The following TRIML1 variants were observed in gnomAD, a reference collection of about 807,000 sequenced individuals.
The protein encoded by TRIML1 is probable E3 ubiquitin-protein ligase TRIML1.
TRIML1 carries 34 observed loss-of-function variants against 32.3 expected under a neutral mutation model. The ratio of observed to expected loss-of-function variants is 1.05; its 90% confidence interval spans 0.80 to 1.40. The LOEUF (loss-of-function observed/expected upper bound fraction) is 1.40. Among genes scored for constraint, TRIML1 ranks in the 40% most tolerant of loss-of-function variants. The pLI is 0.00. For synonymous variants in TRIML1, 244 were observed against 226.6 expected, an observed-to-expected ratio of 1.08 and a Z score of -0.69; for missense variants, 595 against 574.9, an observed-to-expected ratio of 1.03 and a Z score of -0.36.
At chr4:188,143,578 G>A (rs1046936120) in intron 3 of TRIML1, 2 of 502,638 alleles carry the variant, frequency 4.0e-6, no homozygotes, top group Non-Finnish European at 7.2e-6. Flanking sequence ...TTGCAGAACA[G>A]GTTCCCTGGA....
chr4:188,150,711 T>C (rs997681424), downstream of TRIML1, among the ~76,000 whole-genome samples: 14 of 151,600 alleles, frequency 9.2e-5, no homozygotes, highest in Non-Finnish European at 2.1e-4. Flanking sequence ...TTTGGCAAAA[T>C]CATCCCCAGT....
chr4:188,139,877 G>A lies in TRIML1; in HGVS notation c.319G>A (p.Asp107Asn), dbSNP rs142394531. ...RMPTTAKALS[D>N]DEQGGSAFVA... ...GCCCACCACTGCCAAGGCGCTCTCC[G>A]ATGACGAGCAGGGTGGAAGCGCCTT... The change falls in exon 1 of 6, where the codon GAT becomes AAT. Residue 107 changes from aspartate (D) to asparagine (N), a missense_variant. Asp to Asn is a conservative substitution (Grantham distance 23). Transcript: ENST00000332517. The A allele has an allele frequency of 1.0e-4, 167 of 1,613,724 alleles. No individual in the cohort carries two copies. Among genetic ancestry groups the A allele is most frequent in the Admixed American group, 1.7e-4 (10 of 59,996 alleles).
At position 188,139,903 on chromosome 4, in the gene TRIML1, C is replaced by T. The variant is rs377054198; in HGVS notation, c.345C>T (p.Phe115=). The T allele has an allele frequency of 1.1e-5, 18 of 1,613,844 alleles. No homozygotes were observed. Among genetic ancestry groups the T allele is most frequent in the Admixed American group, 6.7e-5 (4 of 60,022 alleles). Residue 115 remains phenylalanine (F), a synonymous_variant, in exon 1 of 6, where the codon TTC becomes TTT. Coordinates refer to ENST00000332517, the MANE Select transcript of TRIML1 (RefSeq NM_178556.5). ...ATGACGAGCAGGGTGGAAGCGCCTTCGTAGCCCAGAGCCATGGTGCAAACA... is the reference window on the plus strand; with the variant it reads ...ATGACGAGCAGGGTGGAAGCGCCTTTGTAGCCCAGAGCCATGGTGCAAACA... The part of the protein sequence containing the change: ...LSDDEQGGSA[F]VAQSHGANRV...
At chr4:188,150,099 C>T (rs113525746), downstream of TRIML1, among the ~76,000 whole-genome samples, 18,893 of 149,606 alleles carry the variant, frequency 0.13, 1,545 homozygotes, top group Middle Eastern at 0.26. Flanking sequence ...CCACCGCGCC[C>T]GGCCTTATTT....
Position 188,147,319 on chromosome 4 carries a change from G to A in TRIML1, c.1354G>A (p.Glu452Lys). The change falls in exon 6 of 6, where the codon GAG becomes AAG. Residue 452 changes from glutamate to lysine, a missense_variant. Transcript: ENST00000332517. ...TATCTTTTCCCCCTGCCTCCCAAAT[G>A]AGGGGACAAACACAGACCCTCTCAC... is the stretch of plus-strand genomic sequence containing the variant. ...RPIFSPCLPN[E>K]GTNTDPLTIC... is the part of the protein sequence containing the mutation. The A allele has an allele frequency of 6.5e-7, 1 of 1,534,878 alleles. No individual in the cohort carries two copies. Among genetic ancestry groups the A allele is most frequent in the Non-Finnish European group, 8.7e-7 (1 of 1,143,192 alleles).
chr4:188,143,510 A>C (rs1251546727), intron 3 of TRIML1: 1 of 364,324 alleles, frequency 2.7e-6, no homozygotes, highest in Non-Finnish European at 5.2e-6. Context: ...TCACCAGCCC[A>C]TTTTCCTTTG....
chr4:188,148,669 C>T (rs1002211851), downstream of TRIML1, among the ~76,000 whole-genome samples: 2 of 151,670 alleles, frequency 1.3e-5, no homozygotes, highest in Non-Finnish European at 2.9e-5. Context: ...ATGGAGCGAT[C>T]GCAGCTCACT....
At chr4:188,144,169 G>C (rs1380532568) in intron 5 of TRIML1, 36 bp downstream of exon 5, 2 of 1,563,096 alleles carry the variant, frequency 1.3e-6, no homozygotes, top group Middle Eastern at 1.7e-4. Context: ...TCCGGGGCTC[G>C]AAGAATTAAC....
upstream of TRIML1, among the ~76,000 whole-genome samples, chr4:188,137,788 T>C (rs1178164899): frequency 3.3e-5 from 5 of 152,080 alleles, no homozygotes; most frequent in African/African-American, 1.2e-4. Context: ...AATTTTCATA[T>C]TTTTAGTAGA....
intron 5 of TRIML1, among the ~76,000 whole-genome samples, chr4:188,144,363 C>CT (rs375672880): frequency 0.11 from 15,752 of 139,330 alleles, 1,021 homozygotes; most frequent in African/African-American, 0.13. Flanking sequence ...TCTAAAGGGT[C>CT]TTTTTTTTTT....
chr4:188,146,688 C>G (rs964642517), intron 5 of TRIML1, 134 bp from the exon 6 acceptor site: 1 of 653,634 alleles, frequency 1.5e-6, no homozygotes, highest in East Asian at 3.1e-5. Context: ...ATTACAGGCG[C>G]GAGCCATCAC....
chr4:188,139,982 A>T lies in TRIML1; in HGVS notation c.408+16A>T. 1 of 1,583,960 alleles carries T rather than the reference A, an allele frequency of 6.3e-7. No individual in the cohort carries two copies. Among genetic ancestry groups the T allele is most frequent in the Non-Finnish European group, 8.6e-7 (1 of 1,162,340 alleles). On this transcript the variant is annotated intron_variant, in intron 1 of 5. Transcript: ENST00000332517. ...GCATCACAGAGTAAGACAGCTGCTC[A>T]GCATGAACCCCACGACTCATCGCAG...
intron 5 of TRIML1, among the ~76,000 whole-genome samples, chr4:188,145,846 C>A (rs767554136): frequency 6.6e-6 from 1 of 151,838 alleles, no homozygotes; most frequent in Non-Finnish European, 1.5e-5. Flanking sequence ...AAGGAGGCCC[C>A]ATATGTGACT....
At position 188,147,510 on chromosome 4, in the gene TRIML1, C is replaced by T; in HGVS notation, c.*138C>T. 1.6e-6 allele frequency: 1 copy of T among 627,518 alleles called. No individual in the cohort carries two copies. The highest frequency in any genetic ancestry group is 2.4e-6 in the Non-Finnish European group (1 of 422,876). The allele number at this position is 627,518 out of a possible 1,614,324, so 38.9% of individuals were successfully genotyped here. On this transcript the variant is annotated 3_prime_UTR_variant, in exon 6 of 6. Transcript: ENST00000332517. Reference sequence around the variant, plus strand: ...AACCCCACCCCACCCCCAAGAGTTTCCATTAACTTGATCCCATTATGAACA... The same window carrying T: ...AACCCCACCCCACCCCCAAGAGTTTTCATTAACTTGATCCCATTATGAACA...
intron 3 of TRIML1, among the ~76,000 whole-genome samples, chr4:188,142,745 A>ATCCCAGCTACTCGGGAGG (rs1734911359): frequency 7.3e-6 from 1 of 136,920 alleles, no homozygotes; most frequent in Non-Finnish European, 1.6e-5. Flanking sequence ...CCTCTCTGCA[A>ATCCCAGCTACTCGGGAGG]CCTCAGCTTT....
intron 3 of TRIML1, 63 bp downstream of exon 3, chr4:188,142,545 T>A: frequency 7.8e-7 from 1 of 1,276,436 alleles, no homozygotes; most frequent in Non-Finnish European, 1.1e-6. Context: ...CTTCAAGCCA[T>A]AGGAAATAAT....
chr4:188,137,269 G>A (rs1442929063), upstream of TRIML1, among the ~76,000 whole-genome samples: 2 of 145,902 alleles, frequency 1.4e-5, no homozygotes, highest in African/African-American at 2.5e-5. Context: ...TCTTTTTCTA[G>A]TGGTGGCAGT....
At chr4:188,145,250 C>T (rs776524906) in intron 5 of TRIML1, among the ~76,000 whole-genome samples, 1 of 150,970 alleles carries the variant, frequency 6.6e-6, no homozygotes, top group Non-Finnish European at 1.5e-5. Context: ...CCAGCCTGGC[C>T]AACATGGTGA....
chr4:188,140,450 C>T (rs56412251), intron 1 of TRIML1, 78 bp from the exon 2 acceptor site: 206,346 of 1,148,932 alleles, frequency 0.18, 20,374 homozygotes, highest in Middle Eastern at 0.24. Context: ...CCTAGGACTG[C>T]GCAGTTACTG....
Sources: allele counts gnomAD v4.1 joint callset (sites outside exome capture counted in the v4.1 genomes callset), GRCh38; gene constraint gnomAD v4.1.1; transcripts MANE v1.5; gene names NCBI Gene and HGNC (gene_info 2026-07-23, HGNC 2026-07-21).